The following NRF1 variants were observed in gnomAD, a reference collection of about 807,000 sequenced individuals.
The protein encoded by NRF1 is alpha palindromic-binding protein.
In NRF1, 5 loss-of-function variants were observed where a neutral mutation model predicts 58.5. That is an observed-to-expected ratio of 0.09 (90% CI 0.04 to 0.18). NRF1 has a LOEUF of 0.18. Among genes scored for constraint, NRF1 ranks in the 10% least tolerant of loss-of-function variants. The pLI is 1.00. For synonymous variants in NRF1, 224 were observed against 246.7 expected, an observed-to-expected ratio of 0.91 and a Z score of 0.86; for missense variants, 288 against 657.7, an observed-to-expected ratio of 0.44 and a Z score of 6.15.
intron 6 of NRF1, among the ~76,000 whole-genome samples, chr7:129,710,092 A>T (rs1803039531): frequency 6.6e-6 from 1 of 152,192 alleles, no homozygotes; most frequent in African/African-American, 2.4e-5. Flanking sequence ...ATTCTTGATC[A>T]GAATAATCTT....
Position 129,741,886 on chromosome 7 carries a change from G to A in NRF1, c.1349-13132G>A, listed in dbSNP as rs185198476. Reference sequence around the variant, plus strand: ...AGCAAATGTGCAGAACCCAACAGCAGCAGCAGCCTGGCAGAAGCAGTAATC... The same window carrying A: ...AGCAAATGTGCAGAACCCAACAGCAACAGCAGCCTGGCAGAAGCAGTAATC... On this transcript the variant is annotated intron_variant, in intron 10 of 10. Transcript: ENST00000393232. The surrounding 1 kb of genome is among the most constrained non-coding windows in gnomAD (Gnocchi z 4.0). Among the ~76,000 whole-genome samples the A allele has an allele frequency of 6.6e-6, 1 of 152,346 alleles. No individual in the cohort carries two copies. Among genetic ancestry groups the A allele is most frequent in the East Asian group, 1.9e-4 (1 of 5,188 alleles).
At chr7:129,737,041 C>T (rs954943693) in intron 10 of NRF1, among the ~76,000 whole-genome samples, 2 of 152,356 alleles carry the variant, frequency 1.3e-5, no homozygotes, top group African/African-American at 4.8e-5. Flanking sequence ...GTGCCTGGCA[C>T]AGGGATGCAT....
At chr7:129,619,484 GTGTGTGTATA>G (rs757606631) in intron 1 of NRF1, among the ~76,000 whole-genome samples, 30,003 of 68,384 alleles carry the variant, frequency 0.44, 6,342 homozygotes, top group Non-Finnish European at 0.55. Context: ...GTGTGTGTGT[GTGTGTGTATA>G]TATATATATA....
At chr7:129,691,361 A>ATTT (rs752895743) in intron 5 of NRF1, among the ~76,000 whole-genome samples, 14 of 90,878 alleles carry the variant, frequency 1.5e-4, no homozygotes, top group African/African-American at 3.3e-4. Flanking sequence ...TATTATTATT[A>ATTT]TTATTTTTTT....
chr7:129,648,122 C>T (rs1176099955), intron 1 of NRF1, among the ~76,000 whole-genome samples: 1 of 152,122 alleles, frequency 6.6e-6, no homozygotes, highest in Non-Finnish European at 1.5e-5. Flanking sequence ...ACTCTTTCCC[C>T]ATCCCGAGTC....
chr7:129,621,896 C>G (rs1426893397), intron 1 of NRF1, among the ~76,000 whole-genome samples: 1 of 151,554 alleles, frequency 6.6e-6, no homozygotes, highest in African/African-American at 2.4e-5. Flanking sequence ...GATTATCCTG[C>G]CTCAGCCTCC....
chr7:129,678,996 C>T (rs1327115881), intron 4 of NRF1, among the ~76,000 whole-genome samples: 1 of 151,900 alleles, frequency 6.6e-6, no homozygotes. Flanking sequence ...TAGGGACTTG[C>T]AAGTACCAGT....
chr7:129,746,214 C>A (rs1803971695), intron 10 of NRF1, among the ~76,000 whole-genome samples: 1 of 152,212 alleles, frequency 6.6e-6, no homozygotes, highest in Non-Finnish European at 1.5e-5. Context: ...GTCCCAAAAG[C>A]AGCTAATAGA....
chr7:129,742,275 T>TAAAAAAAAAAAAAA (rs71167214), intron 10 of NRF1, among the ~76,000 whole-genome samples: 1 of 126,784 alleles, frequency 7.9e-6, no homozygotes, highest in African/African-American at 2.9e-5. Context: ...TGAAATTGAT[T>TAAAAAAAAAAAAAA]AAAAAAAAAA....
intron 1 of NRF1, among the ~76,000 whole-genome samples, chr7:129,652,638 C>G (rs1266714343): frequency 1.3e-5 from 2 of 152,068 alleles, no homozygotes; most frequent in Non-Finnish European, 2.9e-5. Context: ...GCTCTGTCGC[C>G]CAGGCTGGAG....
intron 3 of NRF1, among the ~76,000 whole-genome samples, 190 bp downstream of exon 3, chr7:129,671,733 T>C (rs1474757672): frequency 6.6e-6 from 1 of 152,232 alleles, no homozygotes; most frequent in East Asian, 1.9e-4. Flanking sequence ...AGATACGTAA[T>C]ATCACATTAA....
chr7:129,735,120 G>A (rs1320605912), intron 10 of NRF1: 1 of 985,458 alleles, frequency 1.0e-6, no homozygotes, highest in East Asian at 1.1e-4. Flanking sequence ...GAGCACATCT[G>A]TCTCCGCTGG....
At chr7:129,719,400 G>A (rs1247652556) in intron 9 of NRF1, among the ~76,000 whole-genome samples, 1 of 152,060 alleles carries the variant, frequency 6.6e-6, no homozygotes. Context: ...CCAAAGTGCT[G>A]GGATTACAGG....
intron 1 of NRF1, among the ~76,000 whole-genome samples, chr7:129,648,820 A>G (rs1211355895): frequency 1.3e-5 from 2 of 151,692 alleles, no homozygotes; most frequent in Non-Finnish European, 2.9e-5. Flanking sequence ...GTCATGGTTC[A>G]TAACTTTTAC....
intron 1 of NRF1, among the ~76,000 whole-genome samples, chr7:129,630,678 C>T (rs1801028587): frequency 6.6e-6 from 1 of 152,038 alleles, no homozygotes; most frequent in Admixed American, 6.6e-5. Context: ...TCTATAAATC[C>T]TGATATTCTT....
chr7:129,735,868 CGTG>C lies in NRF1; in HGVS notation c.1348+8508_1348+8510del, dbSNP rs997287421. 1.5e-3 allele frequency among the ~76,000 whole-genome samples: 235 copies of C among 152,140 alleles called. 2 individuals carry two copies. Among genetic ancestry groups the C allele is most frequent in the African/African-American group, 5.0e-3 (208 of 41,472 alleles). On this transcript the variant is annotated intron_variant, in intron 10 of 10. Transcript: ENST00000393232. ...CTAAAAAATACAAATATTAGCCATG[CGTG>C]GTGGCAGGCACCTGTAGTCCCAGCT...
At chr7:129,690,676 G>A (rs1022037413) in intron 5 of NRF1, 130 bp downstream of exon 5, 2 of 945,438 alleles carry the variant, frequency 2.1e-6, no homozygotes, top group South Asian at 3.5e-5. Flanking sequence ...GAGTCTTGTA[G>A]TGAAACAGTA....
chr7:129,688,276 A>G (rs1024667995), intron 4 of NRF1, among the ~76,000 whole-genome samples: 2 of 152,026 alleles, frequency 1.3e-5, no homozygotes, highest in African/African-American at 4.8e-5. Flanking sequence ...ACAGGTGCGC[A>G]CTACCATGCC....
chr7:129,614,443 T>TTGTGTGTGTGTGTGTGTGTG (rs56403369), intron 1 of NRF1, among the ~76,000 whole-genome samples: 8,045 of 145,710 alleles, frequency 0.055, 248 homozygotes, highest in Middle Eastern at 0.072. Context: ...AAATATGTAT[T>TTGTGTGTGTGTGTGTGTGTG]TGTGTGTGTG....
Sources: allele counts gnomAD v4.1 joint callset (sites outside exome capture counted in the v4.1 genomes callset), GRCh38; gene constraint gnomAD v4.1.1; non-coding constraint Gnocchi (gnomAD v3.1); transcripts MANE v1.5; gene names NCBI Gene and HGNC (gene_info 2026-07-23, HGNC 2026-07-21).